Variants in CCSER1 observed in about 807,000 individuals in gnomAD.
CCSER1 encodes the protein serine-rich coiled-coil domain-containing protein 1.
Under a neutral mutation model 82.0 loss-of-function variants are expected in CCSER1, and 41 were observed. That is an observed-to-expected ratio of 0.50 (90% confidence interval 0.39 to 0.65). The LOEUF (loss-of-function observed/expected upper bound fraction) is 0.65. Ranked by LOEUF, CCSER1 falls within the 30% of genes least tolerant of loss-of-function variation. The probability of loss-of-function intolerance (pLI) is 0.00; values close to 1 mark genes in which losing one functional copy is unlikely to be tolerated. For missense variants in CCSER1, 1,119 were observed against 1,064.2 expected, an observed-to-expected ratio of 1.05 and a Z score of -0.72; for synonymous variants, 414 against 383.9, an observed-to-expected ratio of 1.08 and a Z score of -0.92.
chr4:90,475,635 G>A (rs10516874), intron 5 of CCSER1, among the ~76,000 whole-genome samples: 4,084 of 152,202 alleles, frequency 0.027, 192 homozygotes, highest in African/African-American at 0.093. Flanking sequence ...GTGAAAAATC[G>A]CTGGCCAGCT....
At chr4:90,525,746 C>T (rs1773681459) in intron 5 of CCSER1, among the ~76,000 whole-genome samples, 2 of 152,050 alleles carry the variant, frequency 1.3e-5, no homozygotes, top group Non-Finnish European at 2.9e-5. Flanking sequence ...TGAAGCAATC[C>T]TTCTACCTCA....
rs1478387885 is a variant in CCSER1 at position 91,599,603 on chromosome 4, TTACA to T, written c.*552_*555del. 1 of 152,196 alleles carries T rather than the reference TTACA, an allele frequency of 6.6e-6. No individual in the cohort carries two copies. Among genetic ancestry groups the T allele is most frequent in the Admixed American group, 6.6e-5 (1 of 15,260 alleles). The allele number at this position is 152,196 out of a possible 1,614,324, so 9.4% of individuals were successfully genotyped here. Reference sequence around the variant, plus strand: ...TAACCTAGAGATGTGTTTGTCTCTATTACATACATTCAAGCTCATCTTGTGATAC... The same window carrying T: ...TAACCTAGAGATGTGTTTGTCTCTATTACATTCAAGCTCATCTTGTGATAC... On this transcript the variant is annotated 3_prime_UTR_variant, in exon 11 of 11. Transcript: ENST00000509176.
intron 8 of CCSER1, among the ~76,000 whole-genome samples, chr4:90,838,384 CTG>C (rs1762078053): frequency 6.6e-6 from 1 of 151,400 alleles, no homozygotes; most frequent in African/African-American, 2.4e-5. Flanking sequence ...ATTGAATGAA[CTG>C]TTTTCTACTG....
At chr4:90,954,284 T>A (rs180671724) in intron 9 of CCSER1, among the ~76,000 whole-genome samples, 21 of 152,144 alleles carry the variant, frequency 1.4e-4, no homozygotes, top group Non-Finnish European at 4.4e-5. Context: ...TGTAATACAA[T>A]TTCTATATGT....
At chr4:91,367,541 G>A (rs947936317) in intron 10 of CCSER1, among the ~76,000 whole-genome samples, 1 of 151,286 alleles carries the variant, frequency 6.6e-6, no homozygotes, top group Non-Finnish European at 1.5e-5. Context: ...GGACTCTCTG[G>A]AATTCTCTTT....
In CCSER1 at chr4:90,922,849, C is replaced by T. The variant is rs377441306; in HGVS notation, c.2095-521C>T. Among the ~76,000 whole-genome samples, 99 of 152,250 alleles carry T rather than the reference C, an allele frequency of 6.5e-4. 1 individual carries two copies. Among genetic ancestry groups the T allele is most frequent in the African/African-American group, 2.2e-3 (91 of 41,560 alleles). ...AAATCCCAACCTAGTTCGTGTATTA[C>T]TTCCCTTCCCTAGTTATCACAGGGT... On this transcript the variant is annotated intron_variant, in intron 8 of 10. Transcript: ENST00000509176.
At chr4:91,298,277 A>T (rs1160214170) in intron 10 of CCSER1, among the ~76,000 whole-genome samples, 1 of 152,058 alleles carries the variant, frequency 6.6e-6, no homozygotes. Context: ...GACACCTGTC[A>T]TTGTTCATTC....
rs1249086609 is a variant in CCSER1 at position 90,990,943 on chromosome 4, T to G, written c.2172+67496T>G. On this transcript the variant is annotated intron_variant, in intron 9 of 10. Transcript: ENST00000509176. Reference sequence around the variant, plus strand: ...ATGATTTAACTACCTATCCTCTAATTCAGTGTTTCTTAAACTTTAGTGTGA... The same window carrying G: ...ATGATTTAACTACCTATCCTCTAATGCAGTGTTTCTTAAACTTTAGTGTGA... 2.0e-5 allele frequency among the ~76,000 whole-genome samples: 3 copies of G among 151,920 alleles called. No individual in the cohort carries two copies. The East Asian group carries it at 5.8e-4, about 30-fold the overall frequency.
chr4:90,400,149 A>C lies in CCSER1; in HGVS notation c.1603+20A>C, dbSNP rs1220908809. 7.4e-7 allele frequency: 1 copy of C among 1,352,194 alleles called. No homozygotes were observed. Among genetic ancestry groups the C allele is most frequent in the African/African-American group, 1.4e-5 (1 of 69,992 alleles). The allele number at this position is 1,352,194 out of a possible 1,614,324, so 83.8% of individuals were successfully genotyped here. ...CTTCTGGTAAGTGTTAAAGAGATGA[A>C]TAATATCATACAACTCCTACCCTGG... On this transcript the variant is annotated intron_variant, in intron 4 of 10. Coordinates refer to ENST00000509176, the MANE Select transcript of CCSER1 (RefSeq NM_001145065.2).
chr4:91,175,728 T>C (rs2149014331), intron 10 of CCSER1, among the ~76,000 whole-genome samples: 1 of 152,324 alleles, frequency 6.6e-6, no homozygotes, highest in East Asian at 1.9e-4. Context: ...ATATTAGCCC[T>C]TTGTCAGATG....
At chr4:90,983,713 A>G (rs1736331194) in intron 9 of CCSER1, among the ~76,000 whole-genome samples, 1 of 151,788 alleles carries the variant, frequency 6.6e-6, no homozygotes. Context: ...CATTTGGGCT[A>G]TTAGACATCC....
chr4:91,164,813 T>A (rs1731852876), intron 10 of CCSER1, among the ~76,000 whole-genome samples: 2 of 152,192 alleles, frequency 1.3e-5, no homozygotes, highest in African/African-American at 4.8e-5. Flanking sequence ...ACACTGTTCA[T>A]TCTAGTTAGC....
intron 1 of CCSER1, among the ~76,000 whole-genome samples, chr4:90,143,820 G>A (rs1299754643): frequency 6.6e-6 from 1 of 151,656 alleles, no homozygotes; most frequent in Non-Finnish European, 1.5e-5. Context: ...AAGTAGCTGG[G>A]ACCACAGGCA....
chr4:91,601,380 G>T lies in CCSER1; in HGVS notation c.*2323G>T, dbSNP rs1764809371. On this transcript the variant is annotated 3_prime_UTR_variant, in exon 11 of 11. Coordinates refer to ENST00000509176, the MANE Select transcript of CCSER1 (RefSeq NM_001145065.2). ...GGAAATATCATCTTAAAGCTGTTTT[G>T]TATCAGTATTTTCAACATTGTTATA... 1 of 151,942 alleles carries T rather than the reference G, an allele frequency of 6.6e-6. No homozygotes were observed. The highest frequency in any genetic ancestry group is 1.5e-5 in the Non-Finnish European group (1 of 67,926). 9.4% of individuals were successfully genotyped at this position (151,942 alleles called of 1,614,324 possible). A position where few individuals can be genotyped will look rare whatever the true frequency, so the allele number is the denominator to read the frequency against.
chr4:90,599,498 T>A (rs1026950023), intron 5 of CCSER1, among the ~76,000 whole-genome samples: 4 of 152,128 alleles, frequency 2.6e-5, no homozygotes, highest in African/African-American at 9.7e-5. Context: ...AATTACCCAG[T>A]CTTAGGTAGT....
chr4:90,407,320 T>C (rs1320676731), intron 4 of CCSER1, among the ~76,000 whole-genome samples: 1 of 152,194 alleles, frequency 6.6e-6, no homozygotes, highest in Admixed American at 6.5e-5. Context: ...ATAAAATCTC[T>C]GAACAGACCA....
Position 90,864,153 on chromosome 4 carries a change from T to C in CCSER1, c.2094+48308T>C, listed in dbSNP as rs546034070. Among the ~76,000 whole-genome samples, 48 of 152,032 alleles carry C rather than the reference T, an allele frequency of 3.2e-4. 2 individuals carry two copies. In the South Asian group the frequency reaches 9.7e-3, roughly 31 times the overall value. ...TATTTTCCATGAACTGCTGTTTGTT[T>C]GCTTCAGCATGCTTGCTTGACAACC... On this transcript the variant is annotated intron_variant, in intron 8 of 10. Coordinates refer to ENST00000509176, the MANE Select transcript of CCSER1 (RefSeq NM_001145065.2).
rs1012455673 is a variant in CCSER1 at position 90,627,951 on chromosome 4, T to A, written c.1725-74T>A. 8 of 1,116,502 alleles carry A rather than the reference T, an allele frequency of 7.2e-6. No individual in the cohort carries two copies. The African/African-American group carries it at 7.7e-5, about 11-fold the overall frequency. 69.2% of individuals were successfully genotyped at this position (1,116,502 alleles called of 1,614,324 possible). On this transcript the variant is annotated intron_variant, in intron 5 of 10. Coordinates refer to ENST00000509176, the MANE Select transcript of CCSER1 (RefSeq NM_001145065.2). Reference sequence around the variant, plus strand: ...ATACTTTCTAGGATACTAGAAACATTGATTAACAACTTGGGAAATACTGCT... The same window carrying A: ...ATACTTTCTAGGATACTAGAAACATAGATTAACAACTTGGGAAATACTGCT...
chr4:91,236,410 G>A (rs527534150), intron 10 of CCSER1, among the ~76,000 whole-genome samples: 4 of 151,060 alleles, frequency 2.6e-5, no homozygotes, highest in African/African-American at 9.7e-5. Flanking sequence ...TTGAACCCGG[G>A]AGGTGGAGGT....
Sources: allele counts gnomAD v4.1 joint callset (sites outside exome capture counted in the v4.1 genomes callset), GRCh38; gene constraint gnomAD v4.1.1; transcripts MANE v1.5; gene names NCBI Gene and HGNC (gene_info 2026-07-23, HGNC 2026-07-21).